Variants in KANSL1L observed in about 807,000 individuals in gnomAD.
KANSL1L encodes the protein KAT8 regulatory NSL complex subunit 1 like.
A neutral mutation model predicts 108.6 loss-of-function variants in KANSL1L; 25 were observed. The observed-to-expected ratio is 0.23, with a 90% CI of 0.17 to 0.32. KANSL1L has a LOEUF of 0.32. KANSL1L is among the 10% of genes least tolerant of loss of function. The probability of loss-of-function intolerance (pLI) is 1.00; values close to 1 mark genes in which losing one functional copy is unlikely to be tolerated. For missense variants in KANSL1L, 1,137 were observed against 1,125.7 expected (o/e 1.01, Z -0.14); for synonymous variants, 405 against 395.1 (o/e 1.03, Z -0.30).
chr2:210,076,588 A>G (rs2094543906), intron 5 of KANSL1L, among the ~76,000 whole-genome samples: 2 of 152,128 alleles, frequency 1.3e-5, no homozygotes, highest in Admixed American at 1.3e-4. Flanking sequence ...AAAAATTTCC[A>G]ATGTTACAGA....
At chr2:210,029,965 T>C (rs1231117436) in intron 9 of KANSL1L, 47 bp from the exon 10 acceptor site, 1 of 892,140 alleles carries the variant, frequency 1.1e-6, no homozygotes, top group Admixed American at 2.2e-5. Flanking sequence ...ACAAGTCTAA[T>C]ATCATTAGAA....
chr2:210,058,744 G>A (rs1308369289), intron 6 of KANSL1L, among the ~76,000 whole-genome samples: 1 of 151,220 alleles, frequency 6.6e-6, no homozygotes, highest in Non-Finnish European at 1.5e-5. Flanking sequence ...GGTTGAGGCA[G>A]GAGAATGGTG....
intron 4 of KANSL1L, among the ~76,000 whole-genome samples, chr2:210,101,833 T>A (rs1472772660): frequency 6.6e-6 from 1 of 152,172 alleles, no homozygotes; most frequent in African/African-American, 2.4e-5. Context: ...TTATCAGGAA[T>A]AAGACAGTAA....
chr2:210,077,398 C>G (rs1471570867), intron 5 of KANSL1L, among the ~76,000 whole-genome samples: 2 of 152,080 alleles, frequency 1.3e-5, no homozygotes, highest in African/African-American at 4.8e-5. Flanking sequence ...TTAACAGGTC[C>G]AATCTCACAG....
At chr2:210,059,561 T>G (rs986475144) in intron 6 of KANSL1L, among the ~76,000 whole-genome samples, 8 of 152,198 alleles carry the variant, frequency 5.3e-5, no homozygotes, top group African/African-American at 1.9e-4. Context: ...TGCAATTATA[T>G]AAAGCATATT....
chr2:210,115,054 T>C (rs1030075098), intron 3 of KANSL1L, among the ~76,000 whole-genome samples: 14 of 151,958 alleles, frequency 9.2e-5, no homozygotes, highest in African/African-American at 1.7e-4. Context: ...GTATAAGATA[T>C]ATAGAAAATA....
upstream of KANSL1L, chr2:210,171,792 A>G (rs1027748352): frequency 6.6e-6 from 1 of 152,016 alleles, no homozygotes; most frequent in Non-Finnish European, 1.5e-5. Flanking sequence ...GGCCTCGACT[A>G]CTGCTGGCGT....
intron 2 of KANSL1L, among the ~76,000 whole-genome samples, chr2:210,139,043 G>A (rs1362076329): frequency 6.6e-6 from 1 of 152,094 alleles, no homozygotes; most frequent in Non-Finnish European, 1.5e-5. Context: ...AGGTTGCAGG[G>A]AGCCAAGATC....
At chr2:210,113,021 C>T (rs1199217502) in intron 3 of KANSL1L, among the ~76,000 whole-genome samples, 1 of 152,164 alleles carries the variant, frequency 6.6e-6, no homozygotes, top group Non-Finnish European at 1.5e-5. Context: ...CTGCATAAGT[C>T]AGGGTAGGGG....
intron 10 of KANSL1L, 52 bp downstream of exon 10, chr2:210,029,749 CAG>C: frequency 2.4e-6 from 2 of 838,992 alleles, no homozygotes; most frequent in South Asian, 1.7e-5. Context: ...TTTTCAAAAT[CAG>C]GTGTTTTTAT....
chr2:210,121,394 A>G (rs1380509231), intron 3 of KANSL1L, among the ~76,000 whole-genome samples: 1 of 152,196 alleles, frequency 6.6e-6, no homozygotes, highest in Non-Finnish European at 1.5e-5. Flanking sequence ...CTAACTCAGG[A>G]ACAGAAAACC....
rs66917529 is a variant in KANSL1L at position 210,171,295 on chromosome 2, G to GGCCGCCGCC, written c.-185_-177dup. ...CCAGAGCGCGCCCCGCTCCCGCCCC[G>GGCCGCCGCC]GCCGCCGCCGCCGCCGCCGCCGCCG... On this transcript the variant is annotated 5_prime_UTR_variant, in exon 1 of 15. Transcript: ENST00000281772. The GGCCGCCGCC allele has an allele frequency of 1.8e-4, 30 of 168,162 alleles. No homozygotes were observed. Among genetic ancestry groups the GGCCGCCGCC allele is most frequent in the African/African-American group, 5.6e-4 (23 of 40,992 alleles). The allele number at this position is 168,162 out of a possible 1,614,324, so 10.4% of individuals were successfully genotyped here.
intron 1 of KANSL1L, among the ~76,000 whole-genome samples, chr2:210,156,930 TAC>T (rs779295191): frequency 6.6e-6 from 1 of 151,194 alleles, no homozygotes; most frequent in South Asian, 2.1e-4. Context: ...TCAAAATTTA[TAC>T]ACTTTTATAT....
At chr2:210,029,164 C>CT (rs1213051946) in intron 10 of KANSL1L, 195 bp from the exon 11 acceptor site, 1 of 513,136 alleles carries the variant, frequency 1.9e-6, no homozygotes, top group African/African-American at 2.0e-5. Context: ...TCAGAACAAT[C>CT]TCTTGGTAGA....
chr2:210,030,808 A>G (rs968127767), intron 9 of KANSL1L: 2 of 152,028 alleles, frequency 1.3e-5, no homozygotes, highest in Non-Finnish European at 2.9e-5. Flanking sequence ...GACAGGCTGG[A>G]CCAGATGTCC....
chr2:210,044,102 A>G lies in KANSL1L; in HGVS notation c.1758T>C (p.Thr586=). 1 of 1,576,912 alleles carries G rather than the reference A, an allele frequency of 6.3e-7. No homozygotes were observed. The highest frequency in any genetic ancestry group is 8.6e-7 in the Non-Finnish European group (1 of 1,161,942). ...LSPTFYWTPQ[T]LPSKETAFLN... is the part of the protein sequence containing the mutation. Reference sequence around the variant, plus strand: ...AAAATGCTGTTTCTTTTGAAGGCAAAGTCTGCAAGGAAAAACCGTATTAGA... The same window carrying G: ...AAAATGCTGTTTCTTTTGAAGGCAAGGTCTGCAAGGAAAAACCGTATTAGA... The change falls in exon 7 of 15, where the codon ACT becomes ACC. Residue 586 remains threonine (T), a splice_region_variant and synonymous_variant. Transcript: ENST00000281772. The surrounding 1 kb of genome is among the most constrained non-coding windows in gnomAD (Gnocchi z 4.2).
At chr2:210,134,194 C>G (rs574892824) in intron 2 of KANSL1L, among the ~76,000 whole-genome samples, 4 of 152,024 alleles carry the variant, frequency 2.6e-5, no homozygotes, top group Non-Finnish European at 5.9e-5. Context: ...TAGCTGAAGT[C>G]GTTTTACATT....
chr2:210,136,405 T>G (rs2095174541), intron 2 of KANSL1L, among the ~76,000 whole-genome samples: 1 of 152,210 alleles, frequency 6.6e-6, no homozygotes, highest in South Asian at 2.1e-4. Context: ...AAAATAGTCT[T>G]AAATATGTTT....
intron 3 of KANSL1L, among the ~76,000 whole-genome samples, chr2:210,105,973 T>C (rs369931738): frequency 4.6e-5 from 7 of 152,174 alleles, no homozygotes; most frequent in African/African-American, 1.7e-4. Flanking sequence ...ATTCAAAATT[T>C]CTACAAGTCT....
Sources: gnomAD v4.1 joint callset for allele counts (sites outside exome capture counted in the v4.1 genomes callset) on GRCh38, gnomAD v4.1.1 for gene constraint, Gnocchi (gnomAD v3.1) non-coding constraint, MANE v1.5 for transcripts, NCBI Gene and HGNC (gene_info 2026-07-23, HGNC 2026-07-21) for gene names.